LPAR2: variants seen among roughly 807,000 people sequenced by gnomAD.
The protein encoded by LPAR2 is G protein-coupled receptor.
Under a neutral mutation model 15.6 loss-of-function variants are expected in LPAR2, and 10 were observed. The observed-to-expected ratio is 0.64, with a 90% CI of 0.39 to 1.09. The LOEUF (loss-of-function observed/expected upper bound fraction) is 1.09. Among genes scored for constraint, LPAR2 ranks in the 50% least tolerant of loss-of-function variants. The pLI, the probability that LPAR2 is intolerant of heterozygous loss-of-function variation, is 0.01. For synonymous variants in LPAR2, 204 were observed against 207.4 expected (o/e 0.98, Z 0.14); for missense variants, 413 against 484.6 (o/e 0.85, Z 1.39).
In LPAR2 at chr19:19,624,488, G is replaced by A. The variant is rs766027293; in HGVS notation, c.824C>T (p.Ala275Val). Reference sequence around the variant, plus strand: ...CAACAGTAGGAAGTACTTTTCTACAGCCAGGACATTGCAGGACTCACAGCC... The same window carrying A: ...CAACAGTAGGAAGTACTTTTCTACAACCAGGACATTGCAGGACTCACAGCC... Residue 275 changes from alanine (A) to valine (V), a missense_variant, in exon 3 of 3, where the codon GCT (alanine) becomes GTT (valine). Transcript: ENST00000407877. 1 of 1,614,120 alleles carries A rather than the reference G, an allele frequency of 6.2e-7. No homozygotes were observed. The highest frequency in any genetic ancestry group is 1.1e-5 in the South Asian group (1 of 91,086).
rs774342863 is a variant in LPAR2, at chr19:19,627,002, G to C, written c.283C>G (p.Arg95Gly). The change falls in exon 2 of 3, where the codon CGC (arginine) becomes GGC (glycine). Residue 95 changes from arginine (R) to glycine (G), a missense_variant. Arg to Gly is a moderately radical substitution (Grantham distance 125). Coordinates refer to ENST00000407877, the MANE Select transcript of LPAR2 (RefSeq NM_004720.7). This position sits in a 1 kb window ranked among gnomAD's most constrained non-coding sequence, Gnocchi z 4.7. ...CCCTCAAGTGAAAGTCGGGCTGTGC[G>C]GGGACCAGTGTGGAACATGAGGAAG... The C allele has an allele frequency of 6.2e-7, 1 of 1,613,710 alleles. No individual in the cohort carries two copies. The highest frequency in any genetic ancestry group is 2.2e-5 in the East Asian group (1 of 44,872).
rs753979034 is a variant in LPAR2, at chr19:19,626,624, G to C, written c.661C>G (p.Arg221Gly). The stretch of plus-strand genomic sequence containing the variant: ...TGGCAGCTGACATGCTCTGCCATGC[G>C]CTGCACTCGCCGCCGCACGTAGAAG... Residue 221 changes from arginine to glycine, a missense_variant, in exon 2 of 3, where the codon CGC becomes GGC. Coordinates refer to ENST00000407877, the MANE Select transcript of LPAR2 (RefSeq NM_004720.7). The surrounding 1 kb of genome is among the most constrained non-coding windows in gnomAD (Gnocchi z 5.3). 1 of 1,613,312 alleles carries C rather than the reference G, an allele frequency of 6.2e-7. No homozygotes were observed. Among genetic ancestry groups the C allele is most frequent in the Non-Finnish European group, 8.5e-7 (1 of 1,180,038 alleles).
At position 19,627,072 on chromosome 19, in the gene LPAR2, GAGCAGGT is replaced by G. The variant is rs761351892; in HGVS notation, c.206_212del (p.Tyr69SerfsTer63). The G allele has an allele frequency of 3.7e-6, 6 of 1,613,380 alleles. No homozygotes were observed. The East Asian group carries it at 1.1e-4, about 30-fold the overall frequency. ...AGAGGTCAGCCGCGGCCAGATTGCC[GAGCAGGT>G]AGTAGATGGGCTGGTGGAAGCGGCG... On this transcript the variant is annotated frameshift_variant, in exon 2 of 3. Transcript: ENST00000407877. LOFTEE classifies it high-confidence loss of function. The surrounding 1 kb of genome is among the most constrained non-coding windows in gnomAD (Gnocchi z 4.7).
Position 19,624,361 on chromosome 19 carries a change from C to A in LPAR2, c.951G>T (p.Gln317His), listed in dbSNP as rs1464913170. Residue 317 changes from glutamine to histidine, a missense_variant, in exon 3 of 3, where the codon CAG (glutamine) becomes CAT (histidine). Physicochemically the swap from Gln to His is conservative, Grantham distance 24. Coordinates refer to ENST00000407877, the MANE Select transcript of LPAR2 (RefSeq NM_004720.7). The stretch of plus-strand genomic sequence containing the variant: ...TATAGTGGACAGACTCGCGGGTGGA[C>A]TGGCGGAGGCACGCGCAGCAGAGAA... 1 of 1,614,088 alleles carries A rather than the reference C, an allele frequency of 6.2e-7. No individual in the cohort carries two copies. The highest frequency in any genetic ancestry group is 2.2e-5 in the East Asian group (1 of 44,902).
In LPAR2 at chr19:19,626,567, C is replaced by A; in HGVS notation, c.718G>T (p.Val240Phe). The A allele has an allele frequency of 6.2e-7, 1 of 1,609,794 alleles. No individual in the cohort carries two copies. Among genetic ancestry groups the A allele is most frequent in the Non-Finnish European group, 8.5e-7 (1 of 1,178,158 alleles). The change falls in exon 2 of 3, where the codon GTC (valine) becomes TTC (phenylalanine). Residue 240 changes from valine (V) to phenylalanine (F), a missense_variant. Physicochemically the swap from Val to Phe is conservative, Grantham distance 50. Transcript: ENST00000407877. The surrounding 1 kb of genome is among the most constrained non-coding windows in gnomAD (Gnocchi z 5.3). ...CCCAGGATGATGACAACAGTCTTGA[C>A]CAGGCTGAGCGTGGTCTCTCGGTAG...
rs1298251148 is a variant in LPAR2 at position 19,626,868 on chromosome 19, G to A, written c.417C>T (p.His139=). The A allele has an allele frequency of 6.3e-7, 1 of 1,594,910 alleles. No individual in the cohort carries two copies. Among genetic ancestry groups the A allele is most frequent in the Non-Finnish European group, 8.5e-7 (1 of 1,171,546 alleles). ...CCACGCGGCCACGGGGCAGGCGGCT[G>A]TGCAGCTGCACGGCCATCACACTGC... The change falls in exon 2 of 3, where the codon CAC becomes CAT. Residue 139 remains histidine (H), a synonymous_variant. Coordinates refer to ENST00000407877, the MANE Select transcript of LPAR2 (RefSeq NM_004720.7). The surrounding 1 kb of genome is among the most constrained non-coding windows in gnomAD (Gnocchi z 5.3).
chr19:19,626,306 C>T lies in LPAR2; in HGVS notation c.742+237G>A, dbSNP rs2061739463. ...CACTTTCCTCTTTAGAGGCTCTGGCCTCGTACTGCCTTGAGGTTTTTACTT... is the reference window on the plus strand; with the variant it reads ...CACTTTCCTCTTTAGAGGCTCTGGCTTCGTACTGCCTTGAGGTTTTTACTT... On this transcript the variant is annotated intron_variant, in intron 2 of 2. Transcript: ENST00000407877. This position sits in a 1 kb window ranked among gnomAD's most constrained non-coding sequence, Gnocchi z 5.3. Among the ~76,000 whole-genome samples the T allele has an allele frequency of 6.6e-6, 1 of 152,222 alleles. No individual in the cohort carries two copies.
Position 19,627,539 on chromosome 19 carries a change from T to G in LPAR2, c.1-255A>C, listed in dbSNP as rs193024749. On this transcript the variant is annotated intron_variant, in intron 1 of 2. Transcript: ENST00000407877. The surrounding 1 kb of genome is among the most constrained non-coding windows in gnomAD (Gnocchi z 4.7). ...AGACATCACCCAAGTCAATAGGTTT[T>G]TGAACCAGAAGTGAAACAAAACCCA... The G allele has an allele frequency of 2.1e-6, 1 of 487,282 alleles. No individual in the cohort carries two copies. Among genetic ancestry groups the G allele is most frequent in the East Asian group, 3.6e-5 (1 of 27,540 alleles). 30.2% of individuals were successfully genotyped at this position (487,282 alleles called of 1,614,324 possible). A position where few individuals can be genotyped will look rare whatever the true frequency, so the allele number is the denominator to read the frequency against.
At position 19,628,148 on chromosome 19, in the gene LPAR2, C is replaced by T. The variant is rs2061753967; in HGVS notation, c.-57G>A. The T allele has an allele frequency of 6.6e-6, 1 of 152,256 alleles. No individual in the cohort carries two copies. Among genetic ancestry groups the T allele is most frequent in the Admixed American group, 6.5e-5 (1 of 15,276 alleles). The allele number at this position is 152,256 out of a possible 1,614,324, so 9.4% of individuals were successfully genotyped here. ...GGCTCGCGGGGGTTCGGGGCGGGCT[C>T]GAGGCCCATGGCCCGGCGACTGCGG... On this transcript the variant is annotated 5_prime_UTR_variant, in exon 1 of 3. Transcript: ENST00000407877.
Position 19,623,994 on chromosome 19 carries a change from A to G in LPAR2, c.*262T>C. On this transcript the variant is annotated 3_prime_UTR_variant, in exon 3 of 3. Coordinates refer to ENST00000407877, the MANE Select transcript of LPAR2 (RefSeq NM_004720.7). Reference sequence around the variant, plus strand: ...CAGTGAAAACAGAATAATGTCTGTTACAAACCCCCTAAACCTGAGATGGCT... The same window carrying G: ...CAGTGAAAACAGAATAATGTCTGTTGCAAACCCCCTAAACCTGAGATGGCT... The G allele has an allele frequency of 1.9e-6, 1 of 527,308 alleles. No individual in the cohort carries two copies. The highest frequency in any genetic ancestry group is 3.4e-6 in the Non-Finnish European group (1 of 295,078). 32.7% of individuals were successfully genotyped at this position (527,308 alleles called of 1,614,324 possible). A position where few individuals can be genotyped will look rare whatever the true frequency, so the allele number is the denominator to read the frequency against.
rs542089674 is a variant in LPAR2, at chr19:19,626,947, G to C, written c.338C>G (p.Thr113Arg). Residue 113 changes from threonine to arginine, a missense_variant, in exon 2 of 3, where the codon ACA becomes AGA. By Grantham distance (71) the Thr-to-Arg change is moderately conservative. Coordinates refer to ENST00000407877, the MANE Select transcript of LPAR2 (RefSeq NM_004720.7). The surrounding 1 kb of genome is among the most constrained non-coding windows in gnomAD (Gnocchi z 5.3). ...TGTGGCCACCGACGCAGTGAGGCTT[G>C]TGTCCAGCAAGCCCTGCCGCAGGAA... 3.1e-6 allele frequency: 5 copies of C among 1,609,008 alleles called. No individual in the cohort carries two copies. The highest frequency in any genetic ancestry group is 4.2e-6 in the Non-Finnish European group (5 of 1,178,314).
Position 19,626,471 on chromosome 19 carries a change from C to A in LPAR2, c.742+72G>T. The stretch of plus-strand genomic sequence containing the variant: ...CCTCTATCAGGTAGCTTGTTTTGTT[C>A]ATTGCTTCGCAGTGTCTTGTGGGAG... On this transcript the variant is annotated intron_variant, in intron 2 of 2. Coordinates refer to ENST00000407877, the MANE Select transcript of LPAR2 (RefSeq NM_004720.7). This position sits in a 1 kb window ranked among gnomAD's most constrained non-coding sequence, Gnocchi z 5.3. 1 of 1,514,342 alleles carries A rather than the reference C, an allele frequency of 6.6e-7. No individual in the cohort carries two copies. The highest frequency in any genetic ancestry group is 2.3e-5 in the East Asian group (1 of 44,156). The allele number at this position is 1,514,342 out of a possible 1,614,324, so 93.8% of individuals were successfully genotyped here.
At position 19,627,297 on chromosome 19, in the gene LPAR2, G is replaced by T. The variant is rs762663430; in HGVS notation, c.1-13C>A. On this transcript the variant is annotated splice_polypyrimidine_tract_variant and intron_variant, in intron 1 of 2. Coordinates refer to ENST00000407877, the MANE Select transcript of LPAR2 (RefSeq NM_004720.7). This position sits in a 1 kb window ranked among gnomAD's most constrained non-coding sequence, Gnocchi z 4.7. ...CCATGATGACCATCTGGGGACACAA[G>T]AGATCAGTGCATGTGGCACTTCTTG... The T allele has an allele frequency of 2.5e-6, 4 of 1,594,058 alleles. No homozygotes were observed. In the East Asian group the frequency reaches 8.9e-5, roughly 36 times the overall value.
intron 2 of LPAR2, among the ~76,000 whole-genome samples, chr19:19,625,874 C>CTTTTT (rs545532352): frequency 7.7e-6 from 1 of 129,866 alleles, no homozygotes; most frequent in Non-Finnish European, 1.6e-5. Flanking sequence ...CTAAAAACTC[C>CTTTTT]TTTTTTTTTT....
chr19:19,627,864 C>G lies in LPAR2; in HGVS notation c.-1+228G>C, dbSNP rs1599394966. 6.4e-6 allele frequency: 1 copy of G among 157,236 alleles called. No individual in the cohort carries two copies. The highest frequency in any genetic ancestry group is 1.9e-4 in the East Asian group (1 of 5,222). 9.7% of individuals were successfully genotyped at this position (157,236 alleles called of 1,614,324 possible). A position where few individuals can be genotyped will look rare whatever the true frequency, so the allele number is the denominator to read the frequency against. On this transcript the variant is annotated intron_variant, in intron 1 of 2. Coordinates refer to ENST00000407877, the MANE Select transcript of LPAR2 (RefSeq NM_004720.7). This position sits in a 1 kb window ranked among gnomAD's most constrained non-coding sequence, Gnocchi z 4.7. ...TGGGCGCGAGTGCTTCCCAAGCGGG[C>G]GGGGCAATAGGCTGTTCCGGGTGGG... is the stretch of plus-strand genomic sequence containing the variant.
Position 19,627,503 on chromosome 19 carries a change from A to AC in LPAR2, c.1-220dup, listed in dbSNP as rs1292859083. ...CAGCTGTTTCTTACCTACTAATAAG[A>AC]CCTGTGTGCAAGACATCACCCAAGT... On this transcript the variant is annotated intron_variant, in intron 1 of 2. Coordinates refer to ENST00000407877, the MANE Select transcript of LPAR2 (RefSeq NM_004720.7). The surrounding 1 kb of genome is among the most constrained non-coding windows in gnomAD (Gnocchi z 4.7). 2 of 570,438 alleles carry AC rather than the reference A, an allele frequency of 3.5e-6. No homozygotes were observed. Among genetic ancestry groups the AC allele is most frequent in the African/African-American group, 3.8e-5 (2 of 53,184 alleles). 35.3% of individuals were successfully genotyped at this position (570,438 alleles called of 1,614,324 possible).
In LPAR2 at chr19:19,627,271, C is replaced by T. The variant is rs1381665802; in HGVS notation, c.14G>A (p.Gly5Asp). The T allele has an allele frequency of 2.5e-6, 4 of 1,600,464 alleles. No individual in the cohort carries two copies. Among genetic ancestry groups the T allele is most frequent in the Non-Finnish European group, 3.4e-6 (4 of 1,178,890 alleles). Residue 5 changes from glycine to aspartate, a missense_variant, in exon 2 of 3, where the codon GGC (glycine) becomes GAC (aspartate). Transcript: ENST00000407877. This position sits in a 1 kb window ranked among gnomAD's most constrained non-coding sequence, Gnocchi z 4.7. Reference sequence around the variant, plus strand: ...GATGGTCTCGTTGTAGTAGCACTGGCCCATGATGACCATCTGGGGACACAA... The same window carrying T: ...GATGGTCTCGTTGTAGTAGCACTGGTCCATGATGACCATCTGGGGACACAA...
At position 19,627,211 on chromosome 19, in the gene LPAR2, C is replaced by G. The variant is rs754221672; in HGVS notation, c.74G>C (p.Ser25Thr). ...CACATCCTTGGGCCGCCAGTGGGAG[C>G]TGAGCTCTTTGCCACTGTTGTTATA... Residue 25 changes from serine to threonine, a missense_variant, in exon 2 of 3, where the codon AGC becomes ACC. By Grantham distance (58) the Ser-to-Thr change is moderately conservative. Transcript: ENST00000407877. This position sits in a 1 kb window ranked among gnomAD's most constrained non-coding sequence, Gnocchi z 4.7. 6.2e-7 allele frequency: 1 copy of G among 1,612,170 alleles called. No individual in the cohort carries two copies. Among genetic ancestry groups the G allele is most frequent in the Non-Finnish European group, 8.5e-7 (1 of 1,180,028 alleles).
rs2061750303 is a variant in LPAR2, at chr19:19,627,737, A to G, written c.-1+355T>C. Reference sequence around the variant, plus strand: ...AGAGACCCGGGAGCGTGTGCACACAAGGGTGAGGTCACTTGCTAGAACCCT... The same window carrying G: ...AGAGACCCGGGAGCGTGTGCACACAGGGGTGAGGTCACTTGCTAGAACCCT... On this transcript the variant is annotated intron_variant, in intron 1 of 2. Transcript: ENST00000407877. The surrounding 1 kb of genome is among the most constrained non-coding windows in gnomAD (Gnocchi z 4.7). 2 of 192,982 alleles carry G rather than the reference A, an allele frequency of 1.0e-5. No individual in the cohort carries two copies. Among genetic ancestry groups the G allele is most frequent in the Non-Finnish European group, 2.2e-5 (2 of 91,180 alleles). The allele number at this position is 192,982 out of a possible 1,614,324, so 12.0% of individuals were successfully genotyped here. A position where few individuals can be genotyped will look rare whatever the true frequency, so the allele number is the denominator to read the frequency against.
Sources: allele counts gnomAD v4.1 joint callset (sites outside exome capture counted in the v4.1 genomes callset), GRCh38; gene constraint gnomAD v4.1.1; non-coding constraint Gnocchi (gnomAD v3.1); transcripts MANE v1.5; gene names NCBI Gene and HGNC (gene_info 2026-07-23, HGNC 2026-07-21).